Variants in MGST1 observed in about 807,000 individuals in gnomAD.
The protein encoded by MGST1 is glutathione S-transferase 12.
MGST1 carries 5 observed loss-of-function variants against 8.9 expected under a neutral mutation model. The observed-to-expected ratio is 0.56, with a 90% CI of 0.29 to 1.19. MGST1 has a LOEUF of 1.19. MGST1 is among the 50% of genes most tolerant of loss of function. MGST1 has a pLI of 0.08. For synonymous variants in MGST1, 54 were observed against 67.8 expected (o/e 0.80, Z 1.00); for missense variants, 182 against 187.4 (o/e 0.97, Z 0.17).
chr12:16,393,606 A>T (rs562403973), intron 1 of MGST1, among the ~76,000 whole-genome samples: 1 of 152,358 alleles, frequency 6.6e-6, no homozygotes, highest in South Asian at 2.1e-4. Flanking sequence ...TAAAACGGTT[A>T]TAAACCTTTG....
At position 16,580,110 on chromosome 12, in the gene MGST1, A is replaced by G. The variant is rs572172372; in HGVS notation, n.483-9418A>G. On this transcript the variant is annotated intron_variant and non_coding_transcript_variant, in intron 4 of 4. Transcript: ENST00000538857. ...TATGATATCATTTATCATGTATTCTAAAACAAAATATACACCTACGTTATT... is the reference window on the plus strand; with the variant it reads ...TATGATATCATTTATCATGTATTCTGAAACAAAATATACACCTACGTTATT... 2.6e-4 allele frequency among the ~76,000 whole-genome samples: 39 copies of G among 152,324 alleles called. No individual in the cohort carries two copies. The Middle Eastern group carries it at 0.01, about 40-fold the overall frequency.
chr12:16,557,269 C>T (rs1591771072), intron 4 of MGST1, among the ~76,000 whole-genome samples: 1 of 151,728 alleles, frequency 6.6e-6, no homozygotes, highest in Non-Finnish European at 1.5e-5. Flanking sequence ...CTGCCTACTT[C>T]TCTAAAAGAA....
chr12:16,371,110 A>G (rs917157813), intron 3 of MGST1, among the ~76,000 whole-genome samples: 15 of 152,122 alleles, frequency 9.9e-5, no homozygotes, highest in Admixed American at 9.8e-4. Context: ...TGAACATACT[A>G]TCACTTGAAT....
chr12:16,358,825 C>T (rs1939855745), intron 3 of MGST1, among the ~76,000 whole-genome samples: 1 of 105,970 alleles, frequency 9.4e-6, no homozygotes, highest in African/African-American at 3.7e-5. Context: ...GTGTAGTATT[C>T]CATGGTGTAT....
chr12:16,460,227 T>A (rs1014060102), intron 4 of MGST1, among the ~76,000 whole-genome samples: 1 of 152,146 alleles, frequency 6.6e-6, no homozygotes, highest in African/African-American at 2.4e-5. Flanking sequence ...GGCAGTGCAA[T>A]GTTTGGATGA....
At chr12:16,399,523 C>A in intron 1 of MGST1, 1 of 1,547,134 alleles carries the variant, frequency 6.5e-7, no homozygotes, top group Non-Finnish European at 8.9e-7. Context: ...GACTCTTCTG[C>A]TTCTGATGAA....
chr12:16,395,910 C>T (rs567738651), intron 1 of MGST1, among the ~76,000 whole-genome samples: 1 of 151,734 alleles, frequency 6.6e-6, no homozygotes, highest in East Asian at 1.9e-4. Context: ...CTGCTATAAA[C>T]ATGTACATGC....
chr12:16,362,278 C>A lies in MGST1; in HGVS notation c.222-1517C>A, dbSNP rs1369426745. 6.6e-6 allele frequency among the ~76,000 whole-genome samples: 1 copy of A among 152,154 alleles called. No homozygotes were observed. Among genetic ancestry groups the A allele is most frequent in the African/African-American group, 2.4e-5 (1 of 41,420 alleles). On this transcript the variant is annotated intron_variant, in intron 3 of 3. Coordinates refer to ENST00000396210, the MANE Select transcript of MGST1 (RefSeq NM_020300.5). This position sits in a 1 kb window ranked among gnomAD's most constrained non-coding sequence, Gnocchi z 4.4. ...TTGTATTGCTCCATGAAAGAGAGGG[C>A]ACAGGAACACTCACACCATCCTCTC...
intron 4 of MGST1, among the ~76,000 whole-genome samples, chr12:16,554,708 G>T (rs1190953715): frequency 6.6e-6 from 1 of 151,970 alleles, no homozygotes; most frequent in African/African-American, 2.4e-5. Context: ...TCTTGAAATG[G>T]GCCTGACTCC....
chr12:16,513,630 A>G lies in MGST1; in HGVS notation n.483-75898A>G, dbSNP rs571427291. The G allele has an allele frequency of 9.1e-5, 45 of 495,552 alleles. No individual in the cohort carries two copies. The highest frequency in any genetic ancestry group is 4.0e-4 in the South Asian group (26 of 65,288). 30.7% of individuals were successfully genotyped at this position (495,552 alleles called of 1,614,324 possible). ...GAAAGCCTTACAGCATCCACAAGGC[A>G]GAGGCCCAGATTGCAGCCAAAAATT... On this transcript the variant is annotated intron_variant and non_coding_transcript_variant, in intron 4 of 4. Coordinates refer to the MGST1 transcript ENST00000538857. The surrounding 1 kb of genome is among the most constrained non-coding windows in gnomAD (Gnocchi z 4.2).
At chr12:16,477,547 T>A (rs1941332404) in intron 4 of MGST1, among the ~76,000 whole-genome samples, 1 of 152,208 alleles carries the variant, frequency 6.6e-6, no homozygotes, top group Non-Finnish European at 1.5e-5. Flanking sequence ...AGGGTATTTT[T>A]AAAAATAAAA....
At chr12:16,385,191 T>C (rs1940494172) in intron 1 of MGST1, among the ~76,000 whole-genome samples, 1 of 152,160 alleles carries the variant, frequency 6.6e-6, no homozygotes, top group Non-Finnish European at 1.5e-5. Flanking sequence ...CTCCCCAGTA[T>C]AAAGTTCTTA....
At chr12:16,451,904 G>T (rs970384971) in intron 4 of MGST1, among the ~76,000 whole-genome samples, 3 of 151,782 alleles carry the variant, frequency 2.0e-5, no homozygotes, top group Admixed American at 2.0e-4. Context: ...CCATCTTAGT[G>T]TAGGACTGCC....
chr12:16,356,521 T>C (rs540143795), intron 2 of MGST1, among the ~76,000 whole-genome samples: 1 of 152,328 alleles, frequency 6.6e-6, no homozygotes, highest in African/African-American at 2.4e-5. Context: ...AATATAATGT[T>C]CATATCATAT....
intron 4 of MGST1, among the ~76,000 whole-genome samples, chr12:16,485,683 T>G (rs901135632): frequency 6.6e-6 from 1 of 152,122 alleles, no homozygotes; most frequent in Non-Finnish European, 1.5e-5. Context: ...AAGACAAAAT[T>G]TAAATGGACA....
At chr12:16,430,851 T>A (rs555079318) in intron 1 of MGST1, among the ~76,000 whole-genome samples, 24 of 152,190 alleles carry the variant, frequency 1.6e-4, no homozygotes, top group Non-Finnish European at 2.8e-4. Context: ...CCTTTGAAGC[T>A]TTCAAGCCAG....
intron 3 of MGST1, among the ~76,000 whole-genome samples, chr12:16,373,007 A>G (rs1032083745): frequency 6.8e-6 from 1 of 147,720 alleles, no homozygotes; most frequent in Admixed American, 6.8e-5. Context: ...TATATACTAT[A>G]TTATCATATA....
chr12:16,462,341 A>C (rs1451654859), intron 4 of MGST1, among the ~76,000 whole-genome samples: 2 of 152,164 alleles, frequency 1.3e-5, no homozygotes, highest in African/African-American at 2.4e-5. Flanking sequence ...GATGACTTTC[A>C]TAAGGTTATA....
At chr12:16,558,440 G>A (rs909818973) in intron 4 of MGST1, among the ~76,000 whole-genome samples, 3 of 151,948 alleles carry the variant, frequency 2.0e-5, no homozygotes, top group African/African-American at 7.2e-5. Context: ...GTCAACAAAA[G>A]TATTCTAAAT....
Sources: gnomAD v4.1 joint callset for allele counts (sites outside exome capture counted in the v4.1 genomes callset) on GRCh38, gnomAD v4.1.1 for gene constraint, Gnocchi (gnomAD v3.1) non-coding constraint, MANE v1.5 for transcripts, NCBI Gene and HGNC (gene_info 2026-07-23, HGNC 2026-07-21) for gene names.